The following BORCS5 variants were observed in gnomAD, a reference collection of about 807,000 sequenced individuals.
The protein encoded by BORCS5 is BLOC-1 related complex subunit 5.
A neutral mutation model predicts 22.1 loss-of-function variants in BORCS5; 17 were observed. That is an observed-to-expected ratio of 0.77 (90% confidence interval 0.53 to 1.15). The LOEUF is 1.15. Ranked by LOEUF, BORCS5 falls within the 50% of genes most tolerant of loss-of-function variation. BORCS5 has a pLI of 0.00. For missense variants in BORCS5, 247 were observed against 253.2 expected (o/e 0.98, Z 0.17); for synonymous variants, 117 against 99.8 (o/e 1.17, Z -1.03).
chr12:12,451,804 GCTA>G (rs1264657423), intron 3 of BORCS5, among the ~76,000 whole-genome samples: 1 of 151,966 alleles, frequency 6.6e-6, no homozygotes, highest in Non-Finnish European at 1.5e-5. Context: ...TGTAGTCCCA[GCTA>G]CTCAGGAGGC....
Position 12,431,204 on chromosome 12 carries a change from C to A in BORCS5, c.203-4424C>A, listed in dbSNP as rs1340822577. ...CTAAGCAGCAAAACCTCTTTCCTCACAGCTCCACCTACAAAGTATTTTTCA... is the reference window on the plus strand; with the variant it reads ...CTAAGCAGCAAAACCTCTTTCCTCAAAGCTCCACCTACAAAGTATTTTTCA... On this transcript the variant is annotated intron_variant, in intron 2 of 3. Coordinates refer to ENST00000314565, the MANE Select transcript of BORCS5 (RefSeq NM_058169.6). Among the ~76,000 whole-genome samples the A allele has an allele frequency of 2.0e-5, 3 of 152,326 alleles. No homozygotes were observed. In the East Asian group the frequency reaches 5.8e-4, roughly 29 times the overall value.
intron 2 of BORCS5, among the ~76,000 whole-genome samples, chr12:12,391,106 G>A (rs1465065597): frequency 6.6e-6 from 1 of 151,924 alleles, no homozygotes; most frequent in African/African-American, 2.4e-5. Flanking sequence ...TGTGCATCCA[G>A]TCAGTCTTGT....
intron 2 of BORCS5, among the ~76,000 whole-genome samples, chr12:12,394,084 G>C (rs2136063290): frequency 6.6e-6 from 1 of 152,060 alleles, no homozygotes; most frequent in Middle Eastern, 3.4e-3. Context: ...CCAGCACTTT[G>C]GGAGGCTGAG....
intron 2 of BORCS5, among the ~76,000 whole-genome samples, chr12:12,425,858 C>T (rs536855177): frequency 0.013 from 2,051 of 152,280 alleles, 39 homozygotes; most frequent in African/African-American, 0.046. Flanking sequence ...ATAGGCCAGT[C>T]ATACAGCCAG....
intron 2 of BORCS5, among the ~76,000 whole-genome samples, chr12:12,415,242 A>G (rs1443355756): frequency 4.0e-5 from 6 of 150,828 alleles, no homozygotes; most frequent in East Asian, 2.0e-4. Flanking sequence ...ACGCCACTGC[A>G]CTCCAGCCTG....
At chr12:12,425,725 C>G (rs1942269979) in intron 2 of BORCS5, among the ~76,000 whole-genome samples, 1 of 152,140 alleles carries the variant, frequency 6.6e-6, no homozygotes, top group Non-Finnish European at 1.5e-5. Context: ...TCATATTTGC[C>G]TTCCTTATAA....
At chr12:12,357,619 C>T (rs1343188930) in intron 1 of BORCS5, 110 bp downstream of exon 1, 2 of 1,182,554 alleles carry the variant, frequency 1.7e-6, no homozygotes, top group East Asian at 5.5e-5. Flanking sequence ...CAGAAAAAGC[C>T]TTCACCGTGC....
intron 2 of BORCS5, among the ~76,000 whole-genome samples, chr12:12,414,769 C>T (rs1168897589): frequency 1.5e-4 from 20 of 133,424 alleles, no homozygotes; most frequent in African/African-American, 4.1e-4. Context: ...GGCTGCCGGA[C>T]GGAGGGGCTC....
intron 3 of BORCS5, among the ~76,000 whole-genome samples, chr12:12,438,375 A>C (rs1468815517): frequency 1.2e-5 from 1 of 82,246 alleles, no homozygotes; most frequent in African/African-American, 4.3e-5. Flanking sequence ...AAAAAAAAAA[A>C]AAAAACGAAA....
At chr12:12,406,088 C>T (rs868057471) in intron 2 of BORCS5, among the ~76,000 whole-genome samples, 18 of 152,272 alleles carry the variant, frequency 1.2e-4, no homozygotes, top group African/African-American at 3.9e-4. Flanking sequence ...AACTGTTTTA[C>T]AGAAACTGCT....
chr12:12,381,036 G>A (rs1226173582), intron 2 of BORCS5, among the ~76,000 whole-genome samples: 5 of 130,592 alleles, frequency 3.8e-5, no homozygotes, highest in South Asian at 2.3e-4. Context: ...TTTTGAGACC[G>A]AGTCTCACTC....
chr12:12,415,576 A>AGGGGGGGGGGGAGGGGGG (rs1565887960), intron 2 of BORCS5, among the ~76,000 whole-genome samples: 1 of 37,882 alleles, frequency 2.6e-5, no homozygotes. Context: ...GGGGAGGGGG[A>AGGGGGGGGGGGAGGGGGG]GGGGCGATTT....
intron 1 of BORCS5, among the ~76,000 whole-genome samples, chr12:12,358,735 A>C (rs1863207702): frequency 1.3e-5 from 2 of 152,240 alleles, no homozygotes; most frequent in South Asian, 4.1e-4. Flanking sequence ...ATAAAGTAGT[A>C]GAGGTTAGCT....
chr12:12,438,790 C>A (rs773058871), intron 3 of BORCS5, among the ~76,000 whole-genome samples: 1 of 152,138 alleles, frequency 6.6e-6, no homozygotes, highest in Non-Finnish European at 1.5e-5. Context: ...AGTAAATCCC[C>A]AGACATTATT....
chr12:12,424,088 A>G (rs1439687397), intron 2 of BORCS5, among the ~76,000 whole-genome samples: 1 of 151,992 alleles, frequency 6.6e-6, no homozygotes, highest in Non-Finnish European at 1.5e-5. Context: ...CTCTTTCATC[A>G]AATTTGGGAT....
At chr12:12,444,145 T>C (rs1345111542) in intron 3 of BORCS5, among the ~76,000 whole-genome samples, 2 of 152,194 alleles carry the variant, frequency 1.3e-5, no homozygotes, top group Non-Finnish European at 2.9e-5. Flanking sequence ...ATGAACAACT[T>C]TATATTCTTC....
intron 2 of BORCS5, among the ~76,000 whole-genome samples, chr12:12,393,537 T>G (rs1259482655): frequency 6.6e-6 from 1 of 151,698 alleles, no homozygotes; most frequent in Non-Finnish European, 1.5e-5. Context: ...TTTTGTTTTT[T>G]CAGATAGGGT....
At chr12:12,464,156 A>G (rs182029294) in intron 3 of BORCS5, among the ~76,000 whole-genome samples, 1 of 151,612 alleles carries the variant, frequency 6.6e-6, no homozygotes, top group Non-Finnish European at 1.5e-5. Flanking sequence ...AGAACCCCGG[A>G]AAGTGTGCAT....
intron 3 of BORCS5, among the ~76,000 whole-genome samples, chr12:12,437,313 T>C (rs1219756104): frequency 1.3e-5 from 2 of 152,236 alleles, no homozygotes; most frequent in South Asian, 2.1e-4. Flanking sequence ...CCTCATTCAC[T>C]TTTAGCTGTG....
Sources: gnomAD v4.1 joint callset for allele counts (sites outside exome capture counted in the v4.1 genomes callset) on GRCh38, gnomAD v4.1.1 for gene constraint, MANE v1.5 for transcripts, NCBI Gene and HGNC (gene_info 2026-07-23, HGNC 2026-07-21) for gene names.